Variants in MTMR14 observed in about 807,000 individuals in gnomAD.
The protein encoded by MTMR14 is phosphatidylinositol-3,5-bisphosphate 3-phosphatase MTMR14.
In MTMR14, 48 loss-of-function variants were observed where a neutral mutation model predicts 86.3. The observed-to-expected ratio is 0.56, with a 90% CI of 0.44 to 0.71. MTMR14 has a LOEUF of 0.71. Ranked by LOEUF, MTMR14 falls within the 30% of genes least tolerant of loss-of-function variation. MTMR14 has a pLI of 0.00. For missense variants in MTMR14, 780 were observed against 834.6 expected (o/e 0.93, Z 0.81); for synonymous variants, 366 against 326.1 (o/e 1.12, Z -1.32).
At position 9,669,496 on chromosome 3, in the gene MTMR14, A is replaced by C. The variant is rs562449459; in HGVS notation, c.554+4A>C. ...CGGAGGAGGACTGTGCTCTTCGGTCAGTGCTGGGTTGCTGTGGTCAGGGGC... is the reference window on the plus strand; with the variant it reads ...CGGAGGAGGACTGTGCTCTTCGGTCCGTGCTGGGTTGCTGTGGTCAGGGGC... On this transcript the variant is annotated splice_donor_region_variant and intron_variant, in intron 5 of 18. Transcript: ENST00000296003. The C allele has an allele frequency of 3.7e-6, 6 of 1,612,144 alleles. No homozygotes were observed. In the African/African-American group the frequency reaches 4.0e-5, roughly 11 times the overall value.
chr3:9,665,111 G>C (rs746175493), intron 3 of MTMR14, among the ~76,000 whole-genome samples: 1 of 151,864 alleles, frequency 6.6e-6, no homozygotes, highest in Non-Finnish European at 1.5e-5. Flanking sequence ...GTGAAACCCC[G>C]TCTCTAATAA....
chr3:9,684,504 A>G (rs2075870324), intron 10 of MTMR14, 81 bp from the exon 11 acceptor site: 8 of 1,406,032 alleles, frequency 5.7e-6, no homozygotes, highest in Non-Finnish European at 8.1e-6. Context: ...TCCCTCCACC[A>G]GGCCAAGCTG....
chr3:9,674,865 A>C (rs1377828900), intron 7 of MTMR14, among the ~76,000 whole-genome samples: 1 of 152,246 alleles, frequency 6.6e-6, no homozygotes, highest in East Asian at 1.9e-4. Context: ...TAATCCCAGC[A>C]CTTTGGGAGG....
chr3:9,662,142 G>T, intron 2 of MTMR14, 125 bp from the exon 3 acceptor site: 1 of 723,536 alleles, frequency 1.4e-6, no homozygotes, highest in South Asian at 1.5e-5. Flanking sequence ...ATTTAGGAAT[G>T]ACATTTAATT....
In MTMR14 at chr3:9,688,686, C is replaced by G. The variant is rs1203467756; in HGVS notation, c.1236-10C>G. On this transcript the variant is annotated splice_polypyrimidine_tract_variant and intron_variant, in intron 14 of 18. Transcript: ENST00000296003. ...GATCTGGAATTTACTGCTCCGGCTT[C>G]CATTTCTAGGAGGAAGAGTTTGCCA... 1.9e-6 allele frequency: 3 copies of G among 1,614,012 alleles called. No homozygotes were observed. Among genetic ancestry groups the G allele is most frequent in the Admixed American group, 1.7e-5 (1 of 59,992 alleles).
rs191613715 is a variant in MTMR14, at chr3:9,694,991, C to T, written c.1614-2720C>T. Among the ~76,000 whole-genome samples the T allele has an allele frequency of 2.7e-3, 404 of 152,300 alleles. 1 individual carries two copies. The highest frequency in any genetic ancestry group is 4.2e-3 in the Non-Finnish European group (285 of 68,024). On this transcript the variant is annotated intron_variant, in intron 17 of 18. Transcript: ENST00000296003. ...TGACCTCTGAAGCGTTGTTCAGCTC[C>T]GCCACCATCCAGTTTGAGGGTTGCT...
chr3:9,698,104 C>T (rs986717403), intron 18 of MTMR14, among the ~76,000 whole-genome samples: 1 of 152,270 alleles, frequency 6.6e-6, no homozygotes, highest in African/African-American at 2.4e-5. Context: ...GTCTCAGGTG[C>T]ACCCAAAGGG....
At chr3:9,685,766 C>CT (rs888582249) in intron 13 of MTMR14, among the ~76,000 whole-genome samples, 24 of 152,310 alleles carry the variant, frequency 1.6e-4, no homozygotes, top group African/African-American at 5.8e-4. Context: ...TCAGCACTCT[C>CT]TCCCCCATGC....
In MTMR14 at chr3:9,662,448, T is replaced by C; in HGVS notation, c.417+73T>C. 3 of 1,299,602 alleles carry C rather than the reference T, an allele frequency of 2.3e-6. No individual in the cohort carries two copies. In the South Asian group the frequency reaches 3.6e-5, roughly 16 times the overall value. 80.5% of individuals were successfully genotyped at this position (1,299,602 alleles called of 1,614,324 possible). Reference sequence around the variant, plus strand: ...AGCTGACTTACTGCAAAGTATAGGGTCTTTTTTTCCCTCAACATTAGTAGC... The same window carrying C: ...AGCTGACTTACTGCAAAGTATAGGGCCTTTTTTTCCCTCAACATTAGTAGC... On this transcript the variant is annotated intron_variant, in intron 3 of 18. Transcript: ENST00000296003.
At chr3:9,655,451 C>T (rs2047540725) in intron 2 of MTMR14, among the ~76,000 whole-genome samples, 1 of 141,606 alleles carries the variant, frequency 7.1e-6, no homozygotes, top group South Asian at 2.3e-4. Context: ...TGTGAGAGCT[C>T]CCTTGATGTC....
chr3:9,679,968 G>T (rs1377205447), intron 9 of MTMR14, among the ~76,000 whole-genome samples: 3 of 152,076 alleles, frequency 2.0e-5, no homozygotes, highest in African/African-American at 7.2e-5. Flanking sequence ...CTGGGTGTGG[G>T]CTCTGCCTTT....
intron 18 of MTMR14, among the ~76,000 whole-genome samples, chr3:9,698,835 G>A (rs1407347676): frequency 6.6e-6 from 1 of 151,952 alleles, no homozygotes; most frequent in African/African-American, 2.4e-5. Flanking sequence ...CCAGCCCCTA[G>A]GCTAGAAACA....
intron 17 of MTMR14, among the ~76,000 whole-genome samples, chr3:9,694,768 C>A (rs12490544): frequency 2.0e-5 from 3 of 152,218 alleles, no homozygotes; most frequent in African/African-American, 4.8e-5. Context: ...TCTTGTACCC[C>A]CTTCCAGAAA....
intron 2 of MTMR14, among the ~76,000 whole-genome samples, chr3:9,654,188 G>T (rs1436565304): frequency 6.6e-6 from 1 of 152,136 alleles, no homozygotes; most frequent in Non-Finnish European, 1.5e-5. Flanking sequence ...TTCACATCCT[G>T]GATTCCCCTG....
In MTMR14 at chr3:9,690,210, C is replaced by T. The variant is rs1192220947; in HGVS notation, c.1613+67C>T. ...TTCCCCCTTAATAAGACTGGAGGGTCGGGGGCCAGCACCTGAGCTAGGGTC... is the reference window on the plus strand; with the variant it reads ...TTCCCCCTTAATAAGACTGGAGGGTTGGGGGCCAGCACCTGAGCTAGGGTC... On this transcript the variant is annotated intron_variant, in intron 17 of 18. Transcript: ENST00000296003. The T allele has an allele frequency of 1.7e-5, 27 of 1,555,382 alleles. No individual in the cohort carries two copies. In the East Asian group the frequency reaches 2.7e-4, roughly 16 times the overall value.
At chr3:9,683,434 C>G (rs889249764) in intron 10 of MTMR14, 190 bp downstream of exon 10, 2 of 612,720 alleles carry the variant, frequency 3.3e-6, no homozygotes, top group Non-Finnish European at 5.9e-6. Context: ...TCCATGTCCT[C>G]AAAATCCTAG....
intron 2 of MTMR14, among the ~76,000 whole-genome samples, chr3:9,657,723 G>T (rs2047693316): frequency 6.6e-6 from 1 of 151,964 alleles, no homozygotes; most frequent in Non-Finnish European, 1.5e-5. Context: ...GCCAATTTTT[G>T]TATTTTTAGT....
At chr3:9,700,280 A>C (rs1393798598) in intron 18 of MTMR14, 2 of 152,246 alleles carry the variant, frequency 1.3e-5, no homozygotes, top group Non-Finnish European at 2.9e-5. Flanking sequence ...GATTTGGAGC[A>C]AGATTAGTAG....
intron 17 of MTMR14, among the ~76,000 whole-genome samples, chr3:9,695,913 G>A (rs767456280): frequency 2.0e-5 from 3 of 152,202 alleles, no homozygotes; most frequent in Non-Finnish European, 2.9e-5. Context: ...CTGGGGAGCT[G>A]TCTCTTTGAT....
Sources: allele counts gnomAD v4.1 joint callset (sites outside exome capture counted in the v4.1 genomes callset), GRCh38; gene constraint gnomAD v4.1.1; transcripts MANE v1.5; gene names NCBI Gene and HGNC (gene_info 2026-07-23, HGNC 2026-07-21).